The following RIMS2 variants were observed in gnomAD, a reference collection of about 807,000 sequenced individuals.
RIMS2 encodes the protein regulating synaptic membrane exocytosis 2, also known as regulating synaptic membrane exocytosis protein 2.
A neutral mutation model predicts 174.4 loss-of-function variants in RIMS2; 59 were observed. The observed-to-expected ratio is 0.34, with a 90% CI of 0.27 to 0.42. The LOEUF (loss-of-function observed/expected upper bound fraction) is 0.42. RIMS2 is among the 10% of genes least tolerant of loss of function. The pLI is 1.00. For missense variants in RIMS2, 1,620 were observed against 1,666.3 expected, an observed-to-expected ratio of 0.97 and a Z score of 0.48; for synonymous variants, 606 against 572.5, an observed-to-expected ratio of 1.06 and a Z score of -0.84.
intron 1 of RIMS2, among the ~76,000 whole-genome samples, chr8:103,533,311 C>T (rs1008889516): frequency 6.6e-6 from 1 of 152,122 alleles, no homozygotes; most frequent in East Asian, 1.9e-4. Flanking sequence ...CATTTCTAGT[C>T]AGTTACAAAA....
At chr8:103,987,184 G>A (rs943511376) in intron 16 of RIMS2, among the ~76,000 whole-genome samples, 2 of 151,158 alleles carry the variant, frequency 1.3e-5, no homozygotes, top group South Asian at 4.2e-4. Flanking sequence ...CAAGGACAAA[G>A]TCTCACTATG....
intron 3 of RIMS2, among the ~76,000 whole-genome samples, chr8:103,773,276 G>C (rs577808566): frequency 9.9e-5 from 15 of 152,222 alleles, no homozygotes; most frequent in Admixed American, 8.5e-4. Flanking sequence ...TGCTTAAAAT[G>C]CATATTGCTT....
intron 19 of RIMS2, among the ~76,000 whole-genome samples, chr8:104,101,125 T>TA: frequency 7.0e-6 from 1 of 143,658 alleles, no homozygotes; most frequent in African/African-American, 2.5e-5. Flanking sequence ...ATGTAATATA[T>TA]ATTTTACATA....
chr8:103,561,109 A>G (rs1325842390), intron 1 of RIMS2, among the ~76,000 whole-genome samples: 1 of 152,208 alleles, frequency 6.6e-6, no homozygotes, highest in African/African-American at 2.4e-5. Context: ...TTAATCTAAC[A>G]GAGTGCAGCT....
At chr8:104,167,892 A>G (rs1255028438) in intron 19 of RIMS2, among the ~76,000 whole-genome samples, 1 of 152,148 alleles carries the variant, frequency 6.6e-6, no homozygotes, top group Non-Finnish European at 1.5e-5. Context: ...GTGGCTTGCC[A>G]GTTTTTCCAG....
chr8:103,961,311 T>C (rs2089999663), intron 15 of RIMS2, among the ~76,000 whole-genome samples, 178 bp downstream of exon 17: 1 of 152,154 alleles, frequency 6.6e-6, no homozygotes, highest in African/African-American at 2.4e-5. Context: ...GGAACACCTG[T>C]ACCAATTAGA....
chr8:104,044,110 A>G (rs567227511), intron 19 of RIMS2, among the ~76,000 whole-genome samples: 1 of 151,726 alleles, frequency 6.6e-6, no homozygotes. Context: ...TGAAGGGTCA[A>G]CATTCCATTC....
intron 3 of RIMS2, among the ~76,000 whole-genome samples, chr8:103,822,650 C>T (rs1311716448): frequency 6.6e-6 from 1 of 151,818 alleles, no homozygotes; most frequent in East Asian, 1.9e-4. Context: ...AAGCAGGATT[C>T]TCTGTTCTTT....
intron 13 of RIMS2, among the ~76,000 whole-genome samples, chr8:103,938,606 A>G (rs1048347032): frequency 6.6e-6 from 1 of 152,136 alleles, no homozygotes; most frequent in African/African-American, 2.4e-5. Context: ...TTCAAAACCA[A>G]TCATGCCTTC....
At chr8:103,893,814 T>C (rs1229548569) in intron 4 of RIMS2, among the ~76,000 whole-genome samples, 4 of 152,118 alleles carry the variant, frequency 2.6e-5, no homozygotes, top group African/African-American at 9.6e-5. Flanking sequence ...TGTGCTCTCA[T>C]TGCTTTGCAG....
At chr8:103,822,107 A>G (rs2098755653) in intron 3 of RIMS2, among the ~76,000 whole-genome samples, 1 of 150,998 alleles carries the variant, frequency 6.6e-6, no homozygotes, top group African/African-American at 2.4e-5. Context: ...AATTTGGACA[A>G]TTAGATATTT....
intron 19 of RIMS2, among the ~76,000 whole-genome samples, chr8:104,228,764 G>A (rs2099205860): frequency 6.6e-6 from 1 of 152,100 alleles, no homozygotes; most frequent in Non-Finnish European, 1.5e-5. Flanking sequence ...AGTTACTATG[G>A]TTCTTTTTAT....
chr8:103,598,655 A>G (rs1946370), intron 1 of RIMS2, among the ~76,000 whole-genome samples: 27,717 of 152,104 alleles, frequency 0.18, 2,776 homozygotes, highest in African/African-American at 0.26. Context: ...TTACTTGCCC[A>G]ATTGGGGAGT....
chr8:103,932,985 T>C (rs573600609), intron 12 of RIMS2, among the ~76,000 whole-genome samples: 53 of 151,456 alleles, frequency 3.5e-4, no homozygotes, highest in Middle Eastern at 3.4e-3. Context: ...GGTGAAACAC[T>C]GTCTCTACTA....
At chr8:104,136,492 A>G (rs2098521053) in intron 19 of RIMS2, among the ~76,000 whole-genome samples, 1 of 152,226 alleles carries the variant, frequency 6.6e-6, no homozygotes, top group Non-Finnish European at 1.5e-5. Context: ...TTTAGTGCCA[A>G]CCATAATATT....
At chr8:103,576,907 C>A (rs1221612716) in intron 1 of RIMS2, among the ~76,000 whole-genome samples, 1 of 152,106 alleles carries the variant, frequency 6.6e-6, no homozygotes, top group Admixed American at 6.5e-5. Context: ...TTCCTTACAC[C>A]TTATACAAAA....
intron 19 of RIMS2, among the ~76,000 whole-genome samples, chr8:104,216,710 G>A (rs991733885): frequency 6.6e-6 from 1 of 152,136 alleles, no homozygotes; most frequent in African/African-American, 2.4e-5. Context: ...GAGGAAAAAG[G>A]CCTGGCTTAT....
At chr8:104,050,746 T>A (rs1254054554) in intron 19 of RIMS2, among the ~76,000 whole-genome samples, 6 of 152,208 alleles carry the variant, frequency 3.9e-5, no homozygotes, top group Non-Finnish European at 8.8e-5. Flanking sequence ...AATATATTTG[T>A]TAAATTTTCT....
rs1170372591 is a variant in RIMS2 at position 103,826,995 on chromosome 8, A to T, written c.699-58303A>T. 2.0e-5 allele frequency among the ~76,000 whole-genome samples: 3 copies of T among 152,114 alleles called. No individual in the cohort carries two copies. In the East Asian group the frequency reaches 5.8e-4, roughly 29 times the overall value. On this transcript the variant is annotated intron_variant, in intron 3 of 23. Transcript: ENST00000504942. ...CCAGCCTCATATATTTTTTATAATC[A>T]CTTTGTTAATTTTGATTTGAAAAGT...
Sources: gnomAD v4.1 joint callset for allele counts (sites outside exome capture counted in the v4.1 genomes callset) on GRCh38, gnomAD v4.1.1 for gene constraint, MANE v1.5 for transcripts, NCBI Gene and HGNC (gene_info 2026-07-23, HGNC 2026-07-21) for gene names.